Variants in GSDMC observed in about 807,000 individuals in gnomAD.
GSDMC encodes the protein gasdermin C.
A neutral mutation model predicts 58.0 loss-of-function variants in GSDMC; 59 were observed. The ratio of observed to expected loss-of-function variants is 1.02; its 90% CI spans 0.82 to 1.26. The LOEUF is 1.26. Among genes scored for constraint, GSDMC ranks in the 50% most tolerant of loss-of-function variants. The pLI is 0.00. For synonymous variants in GSDMC, 241 were observed against 220.2 expected, an observed-to-expected ratio of 1.09 and a Z score of -0.83; for missense variants, 659 against 598.5, an observed-to-expected ratio of 1.10 and a Z score of -1.06.
At chr8:129,780,332 C>A (rs1038962424) in intron 1 of GSDMC, among the ~76,000 whole-genome samples, 1 of 152,054 alleles carries the variant, frequency 6.6e-6, no homozygotes, top group Non-Finnish European at 1.5e-5. Flanking sequence ...AGAAGACTAC[C>A]TCAGGCATTT....
At chr8:129,778,350 A>C (rs116802637) in intron 1 of GSDMC, among the ~76,000 whole-genome samples, 2,164 of 152,282 alleles carry the variant, frequency 0.014, 60 homozygotes, top group African/African-American at 0.049. Context: ...GCAGTGTTGG[A>C]TGCATATATG....
chr8:129,738,750 C>A, the GSDMC span, among the ~76,000 whole-genome samples: 1 of 152,040 alleles, frequency 6.6e-6, no homozygotes, highest in African/African-American at 2.4e-5. Flanking sequence ...CTTATGTATA[C>A]CTATGTAACA....
At chr8:129,729,055 G>A in the GSDMC span, 3 of 637,354 alleles carry the variant, frequency 4.7e-6, no homozygotes, top group African/African-American at 3.6e-5. Flanking sequence ...ATAACTTTGT[G>A]TCAAAAAGAA....
intron 4 of GSDMC, among the ~76,000 whole-genome samples, chr8:129,763,729 A>ACC (rs780284186): frequency 2.6e-5 from 4 of 152,174 alleles, no homozygotes; most frequent in Non-Finnish European, 5.9e-5. Flanking sequence ...GGTATGCACC[A>ACC]CCGCACCTGG....
intron 3 of GSDMC, among the ~76,000 whole-genome samples, chr8:129,772,153 C>T (rs1337622863): frequency 2.0e-5 from 3 of 150,562 alleles, no homozygotes; most frequent in Non-Finnish European, 1.5e-5. Flanking sequence ...CCCAGCTGCT[C>T]GGGAGGCTTA....
chr8:129,742,419 C>T, the GSDMC span, among the ~76,000 whole-genome samples: 2 of 152,110 alleles, frequency 1.3e-5, no homozygotes, highest in African/African-American at 4.8e-5. Context: ...AAGTAATATT[C>T]ATTTTAGAAA....
the GSDMC span, among the ~76,000 whole-genome samples, chr8:129,725,163 T>A: frequency 6.6e-6 from 1 of 152,210 alleles, no homozygotes. Flanking sequence ...CTCCATCAAG[T>A]ATCTTATTAG....
intron 1 of GSDMC, among the ~76,000 whole-genome samples, chr8:129,781,399 T>C (rs976942609): frequency 2.0e-5 from 3 of 152,008 alleles, no homozygotes; most frequent in Non-Finnish European, 4.4e-5. Context: ...TCAGACAAAA[T>C]AGATTTAGAT....
At chr8:129,724,263 A>G in the GSDMC span, among the ~76,000 whole-genome samples, 1 of 152,196 alleles carries the variant, frequency 6.6e-6, no homozygotes, top group Non-Finnish European at 1.5e-5. Flanking sequence ...CACATGTAAG[A>G]CCCTAAGCCA....
At chr8:129,708,243 T>C in the GSDMC span, among the ~76,000 whole-genome samples, 4 of 152,130 alleles carry the variant, frequency 2.6e-5, no homozygotes. Flanking sequence ...GCCCCAGAGT[T>C]CACAGCCAAG....
At chr8:129,779,563 C>A (rs770197637) in intron 1 of GSDMC, among the ~76,000 whole-genome samples, 5 of 151,668 alleles carry the variant, frequency 3.3e-5, no homozygotes, top group Non-Finnish European at 7.4e-5. Context: ...TCCCATGGCA[C>A]AAGTTTACCT....
At chr8:129,726,859 A>T in the GSDMC span, among the ~76,000 whole-genome samples, 1 of 150,168 alleles carries the variant, frequency 6.7e-6, no homozygotes, top group African/African-American at 2.5e-5. Flanking sequence ...CCCAGGAAGG[A>T]TCCCAAACTG....
intron 3 of GSDMC, among the ~76,000 whole-genome samples, chr8:129,768,054 C>A (rs56757322): frequency 6.6e-6 from 1 of 152,012 alleles, no homozygotes; most frequent in African/African-American, 2.4e-5. Flanking sequence ...GCCCAGCCAA[C>A]AGCTCATCCT....
At chr8:129,707,452 C>A in the GSDMC span, among the ~76,000 whole-genome samples, 24 of 152,028 alleles carry the variant, frequency 1.6e-4, no homozygotes, top group Non-Finnish European at 3.1e-4. Flanking sequence ...TACTCAATAT[C>A]ATTCTAAGGA....
rs1325904597 is a variant in GSDMC, at chr8:129,749,489, G to C, written c.1250C>G (p.Ser417Cys). 1.2e-6 allele frequency: 2 copies of C among 1,613,832 alleles called. No homozygotes were observed. The highest frequency in any genetic ancestry group is 2.2e-5 in the South Asian group (2 of 91,064). ...CTGAAGCAGGATCCTCTTCTCCATG[G>C]AACAGGCCAGCAAATCGTGTTGGAA... Reference protein sequence around the residue: ...SDFQHDLLACSMEKRILLQQQ... With the variant: ...SDFQHDLLACCMEKRILLQQQ... Residue 417 changes from serine to cysteine, a missense_variant, in exon 13 of 14, where the codon TCC (serine) becomes TGC (cysteine). Physicochemically the swap from Ser to Cys is moderately radical, Grantham distance 112. Coordinates refer to ENST00000276708, the MANE Select transcript of GSDMC (RefSeq NM_031415.3).
chr8:129,719,541 A>G, the GSDMC span, among the ~76,000 whole-genome samples: 1 of 152,248 alleles, frequency 6.6e-6, no homozygotes, highest in East Asian at 1.9e-4. Context: ...TAACATTTAT[A>G]GAATCCACCA....
the GSDMC span, chr8:129,706,528 A>G: frequency 6.6e-6 from 1 of 152,190 alleles, no homozygotes; most frequent in African/African-American, 2.4e-5. Context: ...AATGACTTTA[A>G]AGTCCTTTCC....
At chr8:129,755,605 A>C (rs1222807080) in intron 6 of GSDMC, among the ~76,000 whole-genome samples, 2 of 152,192 alleles carry the variant, frequency 1.3e-5, no homozygotes, top group Non-Finnish European at 2.9e-5. Flanking sequence ...CATGTAAACT[A>C]TTCTTAAGCA....
At chr8:129,779,149 C>T (rs905667119) in intron 1 of GSDMC, among the ~76,000 whole-genome samples, 2 of 152,152 alleles carry the variant, frequency 1.3e-5, no homozygotes, top group African/African-American at 4.8e-5. Context: ...ATAATAAAGA[C>T]ACATGCATGC....
Sources: allele counts gnomAD v4.1 joint callset (sites outside exome capture counted in the v4.1 genomes callset), GRCh38; gene constraint gnomAD v4.1.1; transcripts MANE v1.5; gene names NCBI Gene and HGNC (gene_info 2026-07-23, HGNC 2026-07-21).